Variants in MYH16 observed in about 807,000 individuals in gnomAD.
The protein encoded by MYH16 is putative uncharacterized protein MYH16.
chr7:99,273,742 G>C (rs1389835544), intron 20 of MYH16, among the ~76,000 whole-genome samples: 2 of 151,498 alleles, frequency 1.3e-5, no homozygotes, highest in Admixed American at 1.3e-4. Flanking sequence ...GAAAAGAAAG[G>C]AAGAGAGAGA....
At chr7:99,245,700 G>C (rs892896582) in intron 2 of MYH16, among the ~76,000 whole-genome samples, 2 of 152,014 alleles carry the variant, frequency 1.3e-5, no homozygotes, top group African/African-American at 4.8e-5. Flanking sequence ...GCTAATTTTT[G>C]TATTTTTAGT....
chr7:99,276,953 G>T (rs117850863), intron 20 of MYH16, among the ~76,000 whole-genome samples: 2,808 of 151,892 alleles, frequency 0.018, 44 homozygotes, highest in Non-Finnish European at 0.031. Context: ...GAGAAAGACA[G>T]AAACAGAAAC....
chr7:99,271,592 A>T (rs1001741562), intron 19 of MYH16, among the ~76,000 whole-genome samples: 4 of 152,248 alleles, frequency 2.6e-5, no homozygotes, highest in African/African-American at 4.8e-5. Context: ...AGGAATTTTT[A>T]AAAATTTTTT....
At chr7:99,283,034 C>T (rs140787438) in intron 23 of MYH16, among the ~76,000 whole-genome samples, 13 of 152,254 alleles carry the variant, frequency 8.5e-5, no homozygotes, top group Non-Finnish European at 1.6e-4. Context: ...TTGCTGGAGT[C>T]ATCCACTAAA....
intron 1 of MYH16, among the ~76,000 whole-genome samples, chr7:99,239,969 GC>G (rs1395038521): frequency 6.6e-5 from 10 of 151,972 alleles, no homozygotes; most frequent in Admixed American, 3.3e-4. Flanking sequence ...GATTACTTGG[GC>G]TCAGGAGTTT....
exon 26 of MYH16, chr7:99,284,919 A>G (rs1352679088): frequency 6.6e-6 from 3 of 456,582 alleles, no homozygotes; most frequent in African/African-American, 2.0e-5. Flanking sequence ...CTGCAGCGGA[A>G]ACTGAAGGAG....
chr7:99,309,196 G>T (rs991995247), downstream of MYH16, among the ~76,000 whole-genome samples: 1 of 152,098 alleles, frequency 6.6e-6, no homozygotes, highest in Non-Finnish European at 1.5e-5. Context: ...AGACTGGTTC[G>T]CTTTGGGAGG....
chr7:99,289,661 C>T (rs563716966), intron 30 of MYH16, among the ~76,000 whole-genome samples: 3 of 152,158 alleles, frequency 2.0e-5, no homozygotes, highest in Non-Finnish European at 4.4e-5. Context: ...TTCATGCTGA[C>T]GAAATACAAT....
At chr7:99,270,414 C>T (rs984928915) in intron 18 of MYH16, among the ~76,000 whole-genome samples, 1 of 151,336 alleles carries the variant, frequency 6.6e-6, no homozygotes, top group Non-Finnish European at 1.5e-5. Flanking sequence ...CTCCGCCTCC[C>T]GGGTTCACGC....
chr7:99,260,024 T>C, intron 11 of MYH16: 1 of 594,952 alleles, frequency 1.7e-6, no homozygotes, highest in East Asian at 3.6e-5. Context: ...GAATGGCCAG[T>C]GTTAGGCACT....
At chr7:99,288,698 TAAAATAAAATAA>T (rs1440175671) in intron 29 of MYH16, among the ~76,000 whole-genome samples, 1 of 151,770 alleles carries the variant, frequency 6.6e-6, no homozygotes, top group Non-Finnish European at 1.5e-5. Context: ...AAAAATAAAA[TAAAATAAAATAA>T]AAAATAAAAT....
chr7:99,267,083 G>A (rs971352571), intron 18 of MYH16: 3 of 152,404 alleles, frequency 2.0e-5, no homozygotes, highest in Non-Finnish European at 4.4e-5. Flanking sequence ...GCCTACTTCG[G>A]GCAAGTCTGC....
chr7:99,286,480 C>T (rs1792279079), exon 28 of MYH16: 1 of 152,550 alleles, frequency 6.6e-6, no homozygotes, highest in Admixed American at 6.5e-5. Context: ...TCTTGAAGAT[C>T]TCAGTGACAG....
intron 11 of MYH16, among the ~76,000 whole-genome samples, chr7:99,259,700 G>C (rs1326890121): frequency 6.7e-6 from 1 of 149,424 alleles, no homozygotes; most frequent in African/African-American, 2.5e-5. Context: ...ATATATATGT[G>C]TGTGTATATA....
intron 18 of MYH16, among the ~76,000 whole-genome samples, chr7:99,269,126 G>T (rs531913003): frequency 3.3e-5 from 5 of 152,262 alleles, no homozygotes; most frequent in African/African-American, 1.2e-4. Flanking sequence ...CTGTAAAAAG[G>T]TGTTACATTA....
At chr7:99,277,579 T>C (rs1480694209) in exon 21 of MYH16, 1 of 456,586 alleles carries the variant, frequency 2.2e-6, no homozygotes, top group Admixed American at 2.3e-5. Context: ...GAAGAGGAGA[T>C]GAAGGCCAAG....
intron 33 of MYH16, among the ~76,000 whole-genome samples, chr7:99,295,016 T>C (rs957472257): frequency 6.6e-6 from 1 of 151,192 alleles, no homozygotes; most frequent in African/African-American, 2.4e-5. Context: ...TCCAGCCTGG[T>C]TGACAGAGTG....
exon 34 of MYH16, chr7:99,296,907 G>A (rs1213777674): frequency 2.2e-6 from 1 of 456,848 alleles, no homozygotes; most frequent in South Asian, 1.5e-5. Flanking sequence ...AGGAGAATAA[G>A]ACCCTGCAGG....
rs559758526 is a variant in MYH16 at position 99,270,617 on chromosome 7, G to A, written n.2267-340G>A. Among the ~76,000 whole-genome samples the A allele has an allele frequency of 4.9e-3, 733 of 150,038 alleles. 7 individuals are homozygous for A. Among genetic ancestry groups the A allele is most frequent in the South Asian group, 0.02 (88 of 4,468 alleles). Reference sequence around the variant, plus strand: ...CAGGCATGAGCCACTGCGCCCAGCCGAAAAAAATTTTTTTAATTAGCTGGA... The same window carrying A: ...CAGGCATGAGCCACTGCGCCCAGCCAAAAAAAATTTTTTTAATTAGCTGGA... On this transcript the variant is annotated intron_variant and non_coding_transcript_variant, in intron 18 of 41. Coordinates refer to ENST00000439784, the Ensembl canonical transcript of MYH16.
Sources: gnomAD v4.1 joint callset for allele counts (sites outside exome capture counted in the v4.1 genomes callset) on GRCh38, gnomAD v4.1.1 for gene constraint, MANE v1.5 for transcripts, NCBI Gene and HGNC (gene_info 2026-07-23, HGNC 2026-07-21) for gene names.